Variants in TMEM108 observed in about 807,000 individuals in gnomAD.
TMEM108 encodes the protein transmembrane protein 108, also known as cancer/testis antigen 124.
A neutral mutation model predicts 35.1 loss-of-function variants in TMEM108; 12 were observed. The ratio of observed to expected loss-of-function variants is 0.34; its 90% CI spans 0.22 to 0.55. TMEM108 has a LOEUF of 0.55. Ranked by LOEUF, TMEM108 falls within the 20% of genes least tolerant of loss-of-function variation. The pLI is 0.89. For missense variants in TMEM108, 680 were observed against 753.3 expected (o/e 0.90, Z 1.14); for synonymous variants, 287 against 308.6 (o/e 0.93, Z 0.73).
intron 2 of TMEM108, among the ~76,000 whole-genome samples, chr3:133,085,691 A>C (rs1308888026): frequency 6.6e-6 from 1 of 152,172 alleles, no homozygotes; most frequent in Admixed American, 6.5e-5. Context: ...ATTCAGTGAT[A>C]ATAAGATGTC....
intron 2 of TMEM108, among the ~76,000 whole-genome samples, chr3:133,209,532 A>G (rs964762350): frequency 6.6e-6 from 1 of 152,038 alleles, no homozygotes. Flanking sequence ...AGCCCCTCCT[A>G]TTAGCACAGT....
chr3:133,084,219 CTT>C (rs1943851973), intron 2 of TMEM108, among the ~76,000 whole-genome samples: 1 of 152,144 alleles, frequency 6.6e-6, no homozygotes. Context: ...TACCCACATT[CTT>C]TTAATCCTAC....
Position 133,275,470 on chromosome 3 carries a change from A to G in TMEM108, c.40+46119A>G, listed in dbSNP as rs947119413. On this transcript the variant is annotated intron_variant, in intron 3 of 5. Coordinates refer to ENST00000321871, the MANE Select transcript of TMEM108 (RefSeq NM_023943.4). ...TTACACTTACATTGCATTTAAGTTC[A>G]GACTAGACACATTTCAAAGGTTCAG... Among the ~76,000 whole-genome samples, 265 of 152,334 alleles carry G rather than the reference A, an allele frequency of 1.7e-3. 5 individuals are homozygous for G. Among genetic ancestry groups the G allele is most frequent in the Non-Finnish European group, 4.1e-4 (28 of 68,032 alleles).
At chr3:133,169,610 A>C (rs1210512810) in intron 2 of TMEM108, among the ~76,000 whole-genome samples, 4 of 152,204 alleles carry the variant, frequency 2.6e-5, no homozygotes, top group Non-Finnish European at 5.9e-5. Flanking sequence ...ATACTATGGA[A>C]TATTATCAAA....
At chr3:133,177,565 C>A (rs1945254505) in intron 2 of TMEM108, among the ~76,000 whole-genome samples, 1 of 152,098 alleles carries the variant, frequency 6.6e-6, no homozygotes, top group Non-Finnish European at 1.5e-5. Flanking sequence ...ACGACAAAAA[C>A]CACATGATTA....
chr3:133,342,528 T>C (rs2071686527), intron 3 of TMEM108, among the ~76,000 whole-genome samples: 2 of 26,054 alleles, frequency 7.7e-5, no homozygotes, highest in African/African-American at 1.6e-4. Flanking sequence ...TTAAAAAAGT[T>C]AAAAAAGAAA....
chr3:133,236,982 T>C (rs1946246441), intron 3 of TMEM108, among the ~76,000 whole-genome samples: 2 of 152,068 alleles, frequency 1.3e-5, no homozygotes, highest in African/African-American at 4.8e-5. Context: ...GTTAAGGAGC[T>C]CCTCCCTCCT....
chr3:133,046,892 A>T (rs1402458), intron 2 of TMEM108, among the ~76,000 whole-genome samples: 26,357 of 152,224 alleles, frequency 0.17, 2,873 homozygotes, highest in Non-Finnish European at 0.23. Context: ...TGTTTTAAGC[A>T]GCTTGGCTCA....
At chr3:133,223,477 T>G (rs1430971911) in intron 2 of TMEM108, among the ~76,000 whole-genome samples, 1 of 152,230 alleles carries the variant, frequency 6.6e-6, no homozygotes, top group African/African-American at 2.4e-5. Context: ...TTGTTTTTCC[T>G]TTATGCAGTG....
At chr3:133,069,007 T>C (rs1943644934) in intron 2 of TMEM108, among the ~76,000 whole-genome samples, 1 of 152,088 alleles carries the variant, frequency 6.6e-6, no homozygotes, top group Non-Finnish European at 1.5e-5. Context: ...ACAGTGTACA[T>C]CCATGTTTGG....
At chr3:133,118,713 A>G (rs748174063) in intron 2 of TMEM108, among the ~76,000 whole-genome samples, 8 of 152,182 alleles carry the variant, frequency 5.3e-5, no homozygotes, top group Non-Finnish European at 7.3e-5. Flanking sequence ...TGAAATTACA[A>G]TGAGGCGGCG....
intron 3 of TMEM108, among the ~76,000 whole-genome samples, chr3:133,243,525 G>T (rs1208403724): frequency 7.7e-6 from 1 of 129,034 alleles, no homozygotes; most frequent in Non-Finnish European, 1.6e-5. Flanking sequence ...TTTTTTCTGG[G>T]GCGGGGGGTG....
intron 3 of TMEM108, among the ~76,000 whole-genome samples, chr3:133,302,415 C>CTTTCTTT (rs1947240179): frequency 2.7e-5 from 3 of 110,102 alleles, no homozygotes; most frequent in African/African-American, 3.5e-5. Flanking sequence ...TTCTTTCTTT[C>CTTTCTTT]TTTTTTTTTT....
At chr3:133,237,486 A>C (rs1344996842) in intron 3 of TMEM108, among the ~76,000 whole-genome samples, 2 of 152,112 alleles carry the variant, frequency 1.3e-5, no homozygotes, top group African/African-American at 2.4e-5. Context: ...ATTACTGCCA[A>C]ATTAGCTGCT....
At chr3:133,285,942 C>A (rs978164942) in intron 3 of TMEM108, among the ~76,000 whole-genome samples, 2 of 152,138 alleles carry the variant, frequency 1.3e-5, no homozygotes, top group African/African-American at 4.8e-5. Flanking sequence ...GTGGAGGGGG[C>A]ACCTCATGAC....
At chr3:133,068,797 C>T (rs1027514055) in intron 2 of TMEM108, among the ~76,000 whole-genome samples, 5 of 151,886 alleles carry the variant, frequency 3.3e-5, no homozygotes, top group African/African-American at 1.2e-4. Flanking sequence ...TGGTGAAGCA[C>T]ATAAGAAAAC....
intron 3 of TMEM108, among the ~76,000 whole-genome samples, chr3:133,261,285 C>T (rs1946619631): frequency 6.6e-6 from 1 of 152,144 alleles, no homozygotes; most frequent in African/African-American, 2.4e-5. Flanking sequence ...ACAAACAGTC[C>T]ACCATGAAGT....
intron 4 of TMEM108, chr3:133,388,223 C>T (rs772774599): frequency 1.0e-6 from 1 of 985,366 alleles, no homozygotes; most frequent in African/African-American, 1.7e-5. Flanking sequence ...AGGTGTTTCA[C>T]CATGCCAGCT....
At chr3:133,182,369 C>A (rs1945359466) in intron 2 of TMEM108, among the ~76,000 whole-genome samples, 1 of 152,078 alleles carries the variant, frequency 6.6e-6, no homozygotes, top group East Asian at 1.9e-4. Flanking sequence ...TGAGTAGGTT[C>A]TTTTTAAAAA....
Sources: gnomAD v4.1 joint callset for allele counts (sites outside exome capture counted in the v4.1 genomes callset) on GRCh38, gnomAD v4.1.1 for gene constraint, MANE v1.5 for transcripts, NCBI Gene and HGNC (gene_info 2026-07-23, HGNC 2026-07-21) for gene names.